The following NHSL1 variants were observed in gnomAD, a reference collection of about 807,000 sequenced individuals.
NHSL1 encodes the protein NHS like 1.
In NHSL1, 48 loss-of-function variants were observed where a neutral mutation model predicts 95.0. That is an observed-to-expected ratio of 0.51 (90% confidence interval 0.40 to 0.64). NHSL1 has a LOEUF of 0.64. NHSL1 is among the 30% of genes least tolerant of loss of function. The probability of loss-of-function intolerance (pLI) is 0.00; values close to 1 mark genes in which losing one functional copy is unlikely to be tolerated. For missense variants in NHSL1, 1,971 were observed against 2,077.7 expected, an observed-to-expected ratio of 0.95 and a Z score of 1.00; for synonymous variants, 783 against 833.9, an observed-to-expected ratio of 0.94 and a Z score of 1.05.
chr6:138,429,601 T>A, intron 7 of NHSL1, 110 bp downstream of exon 7: 7 of 962,514 alleles, frequency 7.3e-6, no homozygotes, highest in East Asian at 2.9e-5. Flanking sequence ...AGTTAAGGAG[T>A]TATGATTGGG....
chr6:138,437,483 C>A, intron 5 of NHSL1, among the ~76,000 whole-genome samples: 1 of 147,238 alleles, frequency 6.8e-6, no homozygotes, highest in Non-Finnish European at 1.5e-5. Flanking sequence ...CCTAGTCACC[C>A]CAGAGCTCTG....
intron 5 of NHSL1, among the ~76,000 whole-genome samples, chr6:138,441,229 T>C (rs1425795157): frequency 6.6e-6 from 1 of 152,228 alleles, no homozygotes; most frequent in African/African-American, 2.4e-5. Flanking sequence ...CTGGAGTCCT[T>C]AGTCCTAACC....
chr6:138,630,148 G>A (rs1281948960), intron 1 of NHSL1, among the ~76,000 whole-genome samples: 1 of 151,934 alleles, frequency 6.6e-6, no homozygotes, highest in African/African-American at 2.4e-5. Flanking sequence ...TTGGGAGTTA[G>A]AGGCTGCGGT....
At chr6:138,516,256 G>T (rs1186934142) in intron 1 of NHSL1, among the ~76,000 whole-genome samples, 1 of 152,170 alleles carries the variant, frequency 6.6e-6, no homozygotes, top group African/African-American at 2.4e-5. Flanking sequence ...TGGGCGTGGA[G>T]TCAAAACCTG....
intron 7 of NHSL1, among the ~76,000 whole-genome samples, chr6:138,429,334 T>C (rs1339173349): frequency 1.3e-5 from 2 of 152,156 alleles, no homozygotes; most frequent in African/African-American, 4.8e-5. Flanking sequence ...ATGGAGCTAG[T>C]CTGTGCATCC....
chr6:138,671,195 G>A (rs1346526686), intron 1 of NHSL1, among the ~76,000 whole-genome samples: 1 of 152,030 alleles, frequency 6.6e-6, no homozygotes, highest in African/African-American at 2.4e-5. Flanking sequence ...GGTGGCTCAC[G>A]CCTGTAATCC....
intron 1 of NHSL1, among the ~76,000 whole-genome samples, chr6:138,578,551 G>A (rs532386826): frequency 6.6e-6 from 1 of 152,006 alleles, no homozygotes; most frequent in Non-Finnish European, 1.5e-5. Flanking sequence ...AGAAGACCAA[G>A]GGCAAACTTA....
At chr6:138,498,472 C>T (rs1299447047) in intron 1 of NHSL1, among the ~76,000 whole-genome samples, 2 of 152,188 alleles carry the variant, frequency 1.3e-5, no homozygotes, top group Non-Finnish European at 2.9e-5. Flanking sequence ...TTCTCCAAAG[C>T]TCCTCTTACC....
At chr6:138,443,660 C>T (rs571200254) in intron 4 of NHSL1, among the ~76,000 whole-genome samples, 1 of 152,212 alleles carries the variant, frequency 6.6e-6, no homozygotes, top group East Asian at 1.9e-4. Context: ...AATCCTGTCT[C>T]TACCAAAAAT....
upstream of NHSL1, among the ~76,000 whole-genome samples, chr6:138,546,791 C>T (rs1782817628): frequency 6.6e-6 from 1 of 152,214 alleles, no homozygotes; most frequent in African/African-American, 2.4e-5. Flanking sequence ...TCTTCCCCTC[C>T]ACTGGAAAGC....
rs747396126 is a variant in NHSL1 at position 138,432,627 on chromosome 6, G to C, written c.1718C>G (p.Pro573Arg). Reference protein sequence around the residue: ...ASPLKPHLATPGYSTPTSNMS... With the variant: ...ASPLKPHLATRGYSTPTSNMS... ...GTTACTTGTGGGAGTGGAATAGCCAGGAGTTGCTAAATGCGGCTTCAGGGG... is the reference window on the plus strand; with the variant it reads ...GTTACTTGTGGGAGTGGAATAGCCACGAGTTGCTAAATGCGGCTTCAGGGG... The change falls in exon 6 of 8, where the codon CCT (proline) becomes CGT (arginine). Residue 573 changes from proline (P) to arginine (R), a missense_variant. Physicochemically the swap from Pro to Arg is moderately radical, Grantham distance 103. Transcript: ENST00000343505. This position sits in a 1 kb window ranked among gnomAD's most constrained non-coding sequence, Gnocchi z 4.4. The C allele has an allele frequency of 6.4e-7, 1 of 1,551,622 alleles. No homozygotes were observed. Among genetic ancestry groups the C allele is most frequent in the East Asian group, 2.4e-5 (1 of 40,920 alleles).
intron 1 of NHSL1, among the ~76,000 whole-genome samples, chr6:138,668,054 A>G (rs6932432): frequency 0.04 from 6,090 of 152,282 alleles, 314 homozygotes; most frequent in African/African-American, 0.12. Context: ...GAAAGAATTC[A>G]TTTTAGTGGA....
rs563708487 is a variant in NHSL1, at chr6:138,509,053, A to G, written c.17-12682T>C. Among the ~76,000 whole-genome samples the G allele has an allele frequency of 2.6e-5, 4 of 152,344 alleles. No individual in the cohort carries two copies. In the South Asian group the frequency reaches 6.2e-4, roughly 24 times the overall value. On this transcript the variant is annotated intron_variant, in intron 1 of 4. Coordinates refer to the NHSL1 transcript ENST00000342260. The stretch of plus-strand genomic sequence containing the variant: ...GCTACATATTGATGAACTCAACTGT[A>G]AAGTTAACTCACTTGGCCTTTCCCA...
At chr6:138,555,873 A>G (rs1378886223) in intron 1 of NHSL1, among the ~76,000 whole-genome samples, 1 of 152,148 alleles carries the variant, frequency 6.6e-6, no homozygotes, top group Non-Finnish European at 1.5e-5. Flanking sequence ...GGGACAAAGG[A>G]ATGTAAGGAC....
chr6:138,588,941 A>G (rs1252959167), intron 1 of NHSL1, among the ~76,000 whole-genome samples: 1 of 152,168 alleles, frequency 6.6e-6, no homozygotes, highest in Non-Finnish European at 1.5e-5. Context: ...CGCCTTCCAT[A>G]TGGAGCCACC....
At position 138,433,115 on chromosome 6, in the gene NHSL1, G is replaced by C. The variant is rs762421085; in HGVS notation, c.1230C>G (p.Thr410=). Residue 410 remains threonine (T), a synonymous_variant, in exon 6 of 8, where the codon ACC becomes ACG. Coordinates refer to ENST00000343505, the MANE Select transcript of NHSL1 (RefSeq NM_001144060.2). ...ACAGTGTGGCATTTGGGATGATGCT[G>C]GTGGAGTAGGTTGCATGAGGAGAAA... The part of the protein sequence containing the change: ...CVVSPHATYS[T]SIIPNATLSS... 6.4e-7 allele frequency: 1 copy of C among 1,550,754 alleles called. No individual in the cohort carries two copies. The highest frequency in any genetic ancestry group is 1.2e-5 in the South Asian group (1 of 84,056).
chr6:138,499,516 AATCTT>A, upstream of NHSL1: 1 of 1,001,188 alleles, frequency 1.0e-6, no homozygotes, highest in Non-Finnish European at 1.3e-6. Context: ...ACTGAAACCT[AATCTT>A]TAAGGCTGAG....
chr6:138,503,610 C>G (rs546845856), upstream of NHSL1, among the ~76,000 whole-genome samples: 1 of 152,214 alleles, frequency 6.6e-6, no homozygotes, highest in East Asian at 1.9e-4. Flanking sequence ...TGAGCGGCTA[C>G]GACTAAGACT....
chr6:138,489,197 C>T (rs1003280689), intron 2 of NHSL1, among the ~76,000 whole-genome samples: 1 of 152,162 alleles, frequency 6.6e-6, no homozygotes, highest in African/African-American at 2.4e-5. Context: ...TGTTCCATTG[C>T]ACTTCAATTA....
Sources: gnomAD v4.1 joint callset for allele counts (sites outside exome capture counted in the v4.1 genomes callset) on GRCh38, gnomAD v4.1.1 for gene constraint, Gnocchi (gnomAD v3.1) non-coding constraint, MANE v1.5 for transcripts, NCBI Gene and HGNC (gene_info 2026-07-23, HGNC 2026-07-21) for gene names.